The following GBF1 variants were observed in gnomAD, a reference collection of about 807,000 sequenced individuals.
GBF1 encodes Golgi-specific brefeldin A-resistance guanine nucleotide exchange factor 1.
In GBF1, 114 loss-of-function variants were observed where a neutral mutation model predicts 210.5. The ratio of observed to expected loss-of-function variants is 0.54; its 90% CI spans 0.47 to 0.63. The LOEUF is 0.63. Ranked by LOEUF, GBF1 falls within the 30% of genes least tolerant of loss-of-function variation. The pLI is 0.00. For missense variants in GBF1, 1,851 were observed against 2,357.7 expected, an observed-to-expected ratio of 0.79 and a Z score of 4.45; for synonymous variants, 850 against 889.2, an observed-to-expected ratio of 0.96 and a Z score of 0.78.
intron 3 of GBF1, among the ~76,000 whole-genome samples, chr10:102,343,347 G>A (rs970818178): frequency 7.2e-5 from 11 of 152,146 alleles, no homozygotes; most frequent in Non-Finnish European, 4.4e-5. Context: ...GGGTCGCATT[G>A]GCTCTACCCA....
At chr10:102,258,774 CA>C (rs74634439) in intron 1 of GBF1, among the ~76,000 whole-genome samples, 154 bp from the exon 2 acceptor site, 1,059 of 79,672 alleles carry the variant, frequency 0.013, 9 homozygotes, top group African/African-American at 0.038. Flanking sequence ...AACTCTGCCT[CA>C]AAAAAAAAAA....
upstream of GBF1, among the ~76,000 whole-genome samples, chr10:102,242,928 CAAAAAA>C (rs58301527): frequency 1.4e-4 from 19 of 132,388 alleles, no homozygotes; most frequent in African/African-American, 1.4e-4. Flanking sequence ...GACTCTGTCT[CAAAAAA>C]AAAAAAAAAA....
chr10:102,335,162 C>T (rs1373470416), intron 3 of GBF1, among the ~76,000 whole-genome samples: 2 of 152,034 alleles, frequency 1.3e-5, no homozygotes, highest in South Asian at 2.1e-4. Flanking sequence ...AAATTGGATC[C>T]GGATTTGATT....
At chr10:102,290,463 G>A (rs781725171) in intron 3 of GBF1, among the ~76,000 whole-genome samples, 1 of 151,854 alleles carries the variant, frequency 6.6e-6, no homozygotes, top group South Asian at 2.1e-4. Context: ...TCTCTGTGTT[G>A]ATAACAGTTT....
chr10:102,232,753 A>G, the GBF1 span, among the ~76,000 whole-genome samples: 3 of 152,142 alleles, frequency 2.0e-5, no homozygotes, highest in Admixed American at 2.0e-4. Flanking sequence ...AAAACTTAAA[A>G]TCCTTCTCAC....
chr10:102,307,952 A>C (rs1396553127), intron 3 of GBF1, among the ~76,000 whole-genome samples: 1 of 152,186 alleles, frequency 6.6e-6, no homozygotes, highest in Non-Finnish European at 1.5e-5. Flanking sequence ...CCACCATAGA[A>C]TACTACTACA....
At chr10:102,280,013 A>C (rs901290021) in intron 3 of GBF1, among the ~76,000 whole-genome samples, 3 of 152,068 alleles carry the variant, frequency 2.0e-5, no homozygotes, top group Non-Finnish European at 4.4e-5. Context: ...AGTCCCAGCT[A>C]CTTGAGAGGC....
chr10:102,262,733 A>G (rs573080627), intron 3 of GBF1, among the ~76,000 whole-genome samples: 15 of 152,364 alleles, frequency 9.8e-5, no homozygotes, highest in Admixed American at 4.6e-4. Flanking sequence ...CTCAGAGACC[A>G]TACCTGTGGT....
intron 3 of GBF1, among the ~76,000 whole-genome samples, chr10:102,292,185 G>C (rs1207858080): frequency 6.6e-6 from 1 of 151,828 alleles, no homozygotes; most frequent in Non-Finnish European, 1.5e-5. Flanking sequence ...CACCATGCCC[G>C]GCCCCTAGAA....
rs376906395 is a variant in GBF1 at position 102,362,543 on chromosome 10, G to A, written c.1755G>A (p.Val585=). Residue 585 remains valine, a synonymous_variant, in exon 15 of 40, where the codon GTG becomes GTA. Coordinates refer to ENST00000369983, the MANE Select transcript of GBF1 (RefSeq NM_001377137.1). ...HLLSLDALLT[V]IDSTEAHCQA... ...TATCTCTTGATGCCCTATTGACAGT[G>A]ATTGACAGCACCGAGGCCCACTGCC... 1.9e-6 allele frequency: 3 copies of A among 1,613,970 alleles called. No individual in the cohort carries two copies. The highest frequency in any genetic ancestry group is 2.5e-6 in the Non-Finnish European group (3 of 1,179,840).
intron 3 of GBF1, among the ~76,000 whole-genome samples, chr10:102,339,954 T>A (rs2058057083): frequency 5.8e-5 from 1 of 17,358 alleles, no homozygotes; most frequent in Non-Finnish European, 1.1e-4. Flanking sequence ...ACCTGGTTAA[T>A]TTTTTTTTTT....
chr10:102,363,687 C>G lies in GBF1; in HGVS notation c.2018-23C>G. 6.7e-7 allele frequency: 1 copy of G among 1,496,628 alleles called. No homozygotes were observed. Among genetic ancestry groups the G allele is most frequent in the South Asian group, 1.1e-5 (1 of 88,718 alleles). The allele number at this position is 1,496,628 out of a possible 1,614,324, so 92.7% of individuals were successfully genotyped here. A position where few individuals can be genotyped will look rare whatever the true frequency, so the allele number is the denominator to read the frequency against. ...TAAAAAAAGGTGTTACAGATATTTC[C>G]CCCCTCTTCTTCCTACTCCTAGCTG... On this transcript the variant is annotated intron_variant, in intron 16 of 39. Coordinates refer to ENST00000369983, the MANE Select transcript of GBF1 (RefSeq NM_001377137.1). This position sits in a 1 kb window ranked among gnomAD's most constrained non-coding sequence, Gnocchi z 4.2.
Position 102,313,388 on chromosome 10 carries a change from T to C in GBF1, c.164-30663T>C, listed in dbSNP as rs1474494331. Among the ~76,000 whole-genome samples the C allele has an allele frequency of 3.3e-5, 5 of 152,194 alleles. No homozygotes were observed. The East Asian group carries it at 9.6e-4, about 29-fold the overall frequency. On this transcript the variant is annotated intron_variant, in intron 3 of 39. Transcript: ENST00000369983. ...CCGCTCTGTGGGCCTGTAAAATTCC[T>C]GTGCCATCTCAGTGGTGTGGGTTAC...
At chr10:102,242,507 C>A (rs965138218), upstream of GBF1, among the ~76,000 whole-genome samples, 1 of 152,196 alleles carries the variant, frequency 6.6e-6, no homozygotes, top group African/African-American at 2.4e-5. Flanking sequence ...TTGCAAGGGA[C>A]AGGACAGATG....
chr10:102,317,759 T>C (rs1386113991), intron 3 of GBF1, among the ~76,000 whole-genome samples: 1 of 152,196 alleles, frequency 6.6e-6, no homozygotes, highest in Non-Finnish European at 1.5e-5. Context: ...ATTCTATACA[T>C]TTTTGCCTCT....
upstream of GBF1, among the ~76,000 whole-genome samples, chr10:102,244,200 G>T (rs1274993200): frequency 6.6e-6 from 1 of 152,184 alleles, no homozygotes; most frequent in African/African-American, 2.4e-5. Flanking sequence ...CACACGGATG[G>T]TCTTTGGATG....
chr10:102,290,830 G>A (rs1202247098), intron 3 of GBF1, among the ~76,000 whole-genome samples: 4 of 152,128 alleles, frequency 2.6e-5, no homozygotes, highest in African/African-American at 7.2e-5. Context: ...TTATTTTCTC[G>A]AAGTAATAGT....
At chr10:102,340,530 C>G (rs1437917061) in intron 3 of GBF1, among the ~76,000 whole-genome samples, 1 of 151,990 alleles carries the variant, frequency 6.6e-6, no homozygotes, top group East Asian at 1.9e-4. Context: ...GCCTCGGCCT[C>G]CCAAAGTGCT....
chr10:102,235,134 G>A, the GBF1 span, among the ~76,000 whole-genome samples: 5 of 151,512 alleles, frequency 3.3e-5, no homozygotes, highest in South Asian at 2.1e-4. Context: ...GACAGCTGCC[G>A]GGGCTGTTTT....
Sources: allele counts gnomAD v4.1 joint callset (sites outside exome capture counted in the v4.1 genomes callset), GRCh38; gene constraint gnomAD v4.1.1; non-coding constraint Gnocchi (gnomAD v3.1); transcripts MANE v1.5; gene names NCBI Gene and HGNC (gene_info 2026-07-23, HGNC 2026-07-21).